The following SYTL4 variants were observed in gnomAD, a reference collection of about 807,000 sequenced individuals.
The protein encoded by SYTL4 is synaptotagmin-like protein 4.
Under a neutral mutation model 52.7 loss-of-function variants are expected in SYTL4, and 16 were observed. The ratio of observed to expected loss-of-function variants is 0.30; its 90% CI spans 0.21 to 0.46. SYTL4 has a LOEUF of 0.46. Among genes scored for constraint, SYTL4 ranks in the 20% least tolerant of loss-of-function variants. SYTL4 has a pLI of 1.00. For missense variants in SYTL4, 423 were observed against 519.9 expected (o/e 0.81, Z 1.81); for synonymous variants, 160 against 186.6 (o/e 0.86, Z 1.16).
chrX:100,701,562 A>C lies in SYTL4; in HGVS notation c.222T>G (p.Ser74Arg). The change falls in exon 6 of 20, where the codon AGT becomes AGG. Residue 74 changes from serine to arginine, a missense_variant. Physicochemically the swap from Ser to Arg is moderately radical, Grantham distance 110. Transcript: ENST00000372989. ...AACCCCGACAAGTATTGGTTTTGGG[A>C]CTCAAACGGCCCAGGCTCTCCTGGC... ...ARCQESLGRLSPKTNTCRGCN... is the reference protein window; with the variant it reads ...ARCQESLGRLRPKTNTCRGCN... The C allele has an allele frequency of 8.3e-7, 1 of 1,211,016 alleles. No individual in the cohort carries two copies. The highest frequency in any genetic ancestry group is 1.1e-6 in the Non-Finnish European group (1 of 895,249).
intron 12 of SYTL4, among the ~76,000 whole-genome samples, 170 bp from the exon 13 acceptor site, chrX:100,688,613 G>A (rs2083521169): frequency 9.8e-6 from 1 of 101,701 alleles, no homozygotes; most frequent in African/African-American, 3.6e-5. Flanking sequence ...TGCCCAGGCT[G>A]GAGGGCAATG....
chrX:100,701,632 G>A lies in SYTL4; in HGVS notation c.152C>T (p.Ala51Val), dbSNP rs2083853517. The A allele has an allele frequency of 8.3e-7, 1 of 1,209,843 alleles. No homozygotes were observed. The highest frequency in any genetic ancestry group is 1.8e-5 in the African/African-American group (1 of 57,075). The change falls in exon 6 of 20, where the codon GCC (alanine) becomes GTC (valine). Residue 51 changes from alanine (A) to valine (V), a missense_variant. Coordinates refer to ENST00000372989, the MANE Select transcript of SYTL4 (RefSeq NM_001370165.1). ...NELLEIKRKG[A>V]KRGSQHYSDR... ...ACTGTAGTGTTGGCTGCCCCTCTTG[G>A]CCCCTTTCCTTTTTATCTCCAGTAA...
chrX:100,688,098 T>C (rs960398485), intron 13 of SYTL4: 8 of 305,461 alleles, frequency 2.6e-5, no homozygotes, highest in African/African-American at 1.9e-4. Flanking sequence ...GTTAAGGTTA[T>C]TGTTCACAAA....
intron 2 of SYTL4, among the ~76,000 whole-genome samples, chrX:100,727,286 A>T (rs1224353173): frequency 8.9e-6 from 1 of 112,718 alleles, no homozygotes; most frequent in African/African-American, 3.2e-5. Flanking sequence ...ATAACCCAAA[A>T]GATAAATGTG....
chrX:100,696,773 G>C (rs1220998483), intron 8 of SYTL4, among the ~76,000 whole-genome samples: 1 of 111,193 alleles, frequency 9.0e-6, no homozygotes, highest in African/African-American at 3.3e-5. Flanking sequence ...TAATTATCTG[G>C]GGAAGAAGCA....
At chrX:100,713,997 T>TG (rs1370033263) in intron 2 of SYTL4, among the ~76,000 whole-genome samples, 1 of 111,169 alleles carries the variant, frequency 9.0e-6, no homozygotes, top group Non-Finnish European at 1.9e-5. Context: ...GATTACAACA[T>TG]GGCACAAGGA....
intron 19 of SYTL4, 75 bp from the exon 20 acceptor site, chrX:100,676,251 A>G (rs2083275737): frequency 7.3e-6 from 8 of 1,095,979 alleles, no homozygotes; most frequent in Middle Eastern, 3.2e-4. Flanking sequence ...TTGTACAGCA[A>G]GATTAGCCAC....
intron 3 of SYTL4, among the ~76,000 whole-genome samples, chrX:100,704,248 G>C (rs1002537039): frequency 2.7e-5 from 3 of 111,812 alleles, no homozygotes; most frequent in African/African-American, 9.8e-5. Flanking sequence ...ACTATAGACA[G>C]AGCCACCGTG....
At chrX:100,708,276 T>TA (rs1256716414) in intron 2 of SYTL4, among the ~76,000 whole-genome samples, 1 of 111,245 alleles carries the variant, frequency 9.0e-6, no homozygotes, top group Non-Finnish European at 1.9e-5. Context: ...TATTTACTAC[T>TA]AAAAAATGAG....
At chrX:100,703,732 T>G (rs1325132466) in intron 3 of SYTL4, among the ~76,000 whole-genome samples, 1 of 112,350 alleles carries the variant, frequency 8.9e-6, no homozygotes, top group Non-Finnish European at 1.9e-5. Flanking sequence ...AACAAAATAA[T>G]ATGTCCCCAT....
intron 8 of SYTL4, among the ~76,000 whole-genome samples, chrX:100,692,253 T>C (rs1328219964): frequency 4.5e-5 from 5 of 111,925 alleles, no homozygotes; most frequent in Non-Finnish European, 9.4e-5. Context: ...ATGTAACTAT[T>C]TATGTATTTT....
intron 2 of SYTL4, among the ~76,000 whole-genome samples, chrX:100,715,836 G>T (rs1847166457): frequency 9.3e-6 from 1 of 107,782 alleles, no homozygotes; most frequent in Admixed American, 1.0e-4. Flanking sequence ...TACTTGGAAG[G>T]CTGAGGTGGG....
chrX:100,689,723 C>A, intron 12 of SYTL4, 133 bp downstream of exon 12: 3 of 245,636 alleles, frequency 1.2e-5, no homozygotes, highest in Non-Finnish European at 1.5e-5. Context: ...ACTTTAGAAA[C>A]TTGGGGGTAT....
chrX:100,675,881 CATGT>C lies in SYTL4; in HGVS notation c.*143_*146del. On this transcript the variant is annotated 3_prime_UTR_variant, in exon 20 of 20. Coordinates refer to ENST00000372989, the MANE Select transcript of SYTL4 (RefSeq NM_001370165.1). ...AGCATAATGAGATTTGCAGAAAATA[CATGT>C]TTGTACACATACACACACACACACA... 1 of 408,786 alleles carries C rather than the reference CATGT, an allele frequency of 2.4e-6. No homozygotes were observed. The allele number at this position is 408,786 out of a possible 1,213,427, so 33.7% of individuals were successfully genotyped here. A position where few individuals can be genotyped will look rare whatever the true frequency, so the allele number is the denominator to read the frequency against.
chrX:100,678,044 G>C (rs1033701758), intron 19 of SYTL4, among the ~76,000 whole-genome samples: 2 of 111,423 alleles, frequency 1.8e-5, no homozygotes, highest in Admixed American at 1.9e-4. Flanking sequence ...CTTGGAGAGA[G>C]CTTGGCTTTT....
chrX:100,694,751 T>A (rs1374390939), intron 8 of SYTL4, among the ~76,000 whole-genome samples: 1 of 111,854 alleles, frequency 8.9e-6, no homozygotes, highest in Non-Finnish European at 1.9e-5. Flanking sequence ...TTCATAGATA[T>A]TTGTCAAACA....
intron 2 of SYTL4, among the ~76,000 whole-genome samples, chrX:100,710,411 C>T (rs2084043880): frequency 8.9e-6 from 1 of 111,970 alleles, no homozygotes; most frequent in South Asian, 3.8e-4. Flanking sequence ...TACTTTTGAA[C>T]ATGGGTATTC....
chrX:100,715,808 T>A (rs1317951936), intron 2 of SYTL4, among the ~76,000 whole-genome samples: 1 of 108,436 alleles, frequency 9.2e-6, no homozygotes, highest in Non-Finnish European at 1.9e-5. Context: ...TGTGGTGGTA[T>A]GTGCCTGTAA....
rs759207635 is a variant in SYTL4, at chrX:100,700,925, T to C, written c.511A>G (p.Ile171Val). 7.4e-6 allele frequency: 9 copies of C among 1,210,720 alleles called. No homozygotes were observed. The highest frequency in any genetic ancestry group is 1.0e-5 in the Non-Finnish European group (9 of 894,797). Residue 171 changes from isoleucine to valine, a missense_variant, in exon 8 of 20, where the codon ATC (isoleucine) becomes GTC (valine). Transcript: ENST00000372989. ...QMGDIWPGRK[I>V]IQERQKEPSV... ...GGCTCCTTCTGCCGCTCCTGAATGA[T>C]CTTTCTTCCTGGCCAGATGTCACCC...
Sources: allele counts gnomAD v4.1 joint callset (sites outside exome capture counted in the v4.1 genomes callset), GRCh38; gene constraint gnomAD v4.1.1; transcripts MANE v1.5; gene names NCBI Gene and HGNC (gene_info 2026-07-23, HGNC 2026-07-21).